Variants in TECTA observed in about 807,000 individuals in gnomAD.
TECTA encodes the protein alpha-tectorin.
Under a neutral mutation model 216.8 loss-of-function variants are expected in TECTA, and 128 were observed. That is an observed-to-expected ratio of 0.59 (90% CI 0.51 to 0.68). TECTA has a LOEUF of 0.68. Among genes scored for constraint, TECTA ranks in the 30% least tolerant of loss-of-function variants. The pLI, the probability that TECTA is intolerant of heterozygous loss-of-function variation, is 0.00. For missense variants in TECTA, 2,551 were observed against 2,786.2 expected, an observed-to-expected ratio of 0.92 and a Z score of 1.90; for synonymous variants, 1,089 against 1,117.1, an observed-to-expected ratio of 0.97 and a Z score of 0.50.
intron 9 of TECTA, among the ~76,000 whole-genome samples, chr11:121,129,226 G>C (rs994921310): frequency 6.6e-6 from 1 of 152,216 alleles, no homozygotes; most frequent in Non-Finnish European, 1.5e-5. Context: ...TATGCTATGT[G>C]CCCTCGAGGA....
intron 10 of TECTA, 116 bp from the exon 11 acceptor site, chr11:121,137,305 C>T: frequency 7.3e-7 from 1 of 1,367,328 alleles, no homozygotes. Flanking sequence ...CATGCATGCA[C>T]ACACGCACAT....
chr11:121,166,830 G>A (rs144780537), intron 18 of TECTA, 50 bp downstream of exon 18: 17 of 1,603,548 alleles, frequency 1.1e-5, no homozygotes, highest in Middle Eastern at 1.7e-4. Flanking sequence ...CGACAGCTTC[G>A]AGTGTTTGCA....
chr11:121,114,826 C>T (rs1445522932), intron 6 of TECTA, among the ~76,000 whole-genome samples: 3 of 41,364 alleles, frequency 7.3e-5, no homozygotes, highest in African/African-American at 5.7e-4. Context: ...CCCATCCATC[C>T]ACCTACCCAC....
intron 20 of TECTA, among the ~76,000 whole-genome samples, chr11:121,175,152 T>C (rs1947152432): frequency 6.6e-6 from 1 of 151,460 alleles, no homozygotes; most frequent in Admixed American, 6.6e-5. Context: ...GCTCCTGGAT[T>C]CATTAATTTT....
Position 121,129,935 on chromosome 11 carries a change from T to A in TECTA, c.2665T>A (p.Cys889Ser). The A allele has an allele frequency of 6.2e-7, 1 of 1,610,274 alleles. No homozygotes were observed. Among genetic ancestry groups the A allele is most frequent in the Non-Finnish European group, 8.5e-7 (1 of 1,177,342 alleles). ...TTTCGAGGAGATCTGCAATGGAGAGTGTGGGGACCTGCTGAAGGCCTGCAA... is the reference window on the plus strand; with the variant it reads ...TTTCGAGGAGATCTGCAATGGAGAGAGTGGGGACCTGCTGAAGGCCTGCAA... Reference protein sequence around the residue: ...TTFEEICNGECGDLLKACNND... With the variant: ...TTFEEICNGESGDLLKACNND... Residue 889 changes from cysteine to serine, a missense_variant, in exon 10 of 24, where the codon TGT becomes AGT. By Grantham distance (112) the Cys-to-Ser change is moderately radical. This residue lies in a region of TECTA where 2,375 missense variants were observed against 2,563.9 expected (regional missense o/e 0.93). Coordinates refer to ENST00000392793, the MANE Select transcript of TECTA (RefSeq NM_005422.4).
At position 121,137,337 on chromosome 11, in the gene TECTA, C is replaced by G. The variant is rs1946739311; in HGVS notation, c.2942-84C>G. The G allele has an allele frequency of 5.2e-6, 8 of 1,550,958 alleles. No homozygotes were observed. The Middle Eastern group carries it at 5.1e-4, about 98-fold the overall frequency. On this transcript the variant is annotated intron_variant, in intron 10 of 23. Transcript: ENST00000392793. ...ACATGCACTCACAAACACACATGCA[C>G]TCATACACACATGCATGCACGCACA...
intron 15 of TECTA, 113 bp downstream of exon 15, chr11:121,160,534 G>A (rs567972358): frequency 6.9e-7 from 1 of 1,443,136 alleles, no homozygotes; most frequent in African/African-American, 1.4e-5. Flanking sequence ...CTCTCCTACA[G>A]AGACGAGCCA....
chr11:121,128,479 C>T (rs1591444609), intron 9 of TECTA, 135 bp downstream of exon 9: 1 of 784,226 alleles, frequency 1.3e-6, no homozygotes, highest in Non-Finnish European at 2.0e-6. Flanking sequence ...CAAACGGGAG[C>T]GTTTTCTAAT....
intron 19 of TECTA, chr11:121,168,460 G>C: frequency 1.2e-6 from 1 of 850,444 alleles, no homozygotes; most frequent in Non-Finnish European, 1.8e-6. Flanking sequence ...ATGTGGCTCA[G>C]GGGGCTGCGG....
Position 121,167,317 on chromosome 11 carries a change from G to T in TECTA, c.5586+537G>T, listed in dbSNP as rs555983722. Among the ~76,000 whole-genome samples, 5 of 152,318 alleles carry T rather than the reference G, an allele frequency of 3.3e-5. No individual in the cohort carries two copies. The South Asian group carries it at 1.0e-3, about 32-fold the overall frequency. On this transcript the variant is annotated intron_variant, in intron 18 of 23. Transcript: ENST00000392793. ...GGGTGTGGTGACAGTGCCTGTAGTTGTGTCTACTTGGAAGGCTGACATGGG... is the reference window on the plus strand; with the variant it reads ...GGGTGTGGTGACAGTGCCTGTAGTTTTGTCTACTTGGAAGGCTGACATGGG...
chr11:121,118,857 A>C, intron 7 of TECTA, 139 bp downstream of exon 7: 1 of 1,171,140 alleles, frequency 8.5e-7, no homozygotes, highest in African/African-American at 1.5e-5. Flanking sequence ...CCCGCCTTGC[A>C]AATAGCTTGT....
At chr11:121,153,391 T>G (rs1404611503) in intron 13 of TECTA, among the ~76,000 whole-genome samples, 1 of 152,246 alleles carries the variant, frequency 6.6e-6, no homozygotes, top group African/African-American at 2.4e-5. Context: ...TCTCTGATTT[T>G]CTGTCCTGTG....
chr11:121,151,638 C>T (rs995668890), intron 12 of TECTA, among the ~76,000 whole-genome samples: 37 of 152,208 alleles, frequency 2.4e-4, no homozygotes, highest in African/African-American at 8.2e-4. Context: ...CACGCTTTTT[C>T]TTGTATGGTT....
rs1947315358 is a variant in TECTA, at chr11:121,189,062, T to G, written c.6163-18T>G. The G allele has an allele frequency of 1.2e-6, 2 of 1,613,600 alleles. No homozygotes were observed. The highest frequency in any genetic ancestry group is 1.1e-5 in the South Asian group (1 of 91,062). ...GCTTAATTGTGTGAAAATTTCCCCCTGGTATTCTGTCTTGCAGACTTGCCC... is the reference window on the plus strand; with the variant it reads ...GCTTAATTGTGTGAAAATTTCCCCCGGGTATTCTGTCTTGCAGACTTGCCC... On this transcript the variant is annotated intron_variant, in intron 21 of 23. Coordinates refer to ENST00000392793, the MANE Select transcript of TECTA (RefSeq NM_005422.4).
At chr11:121,183,070 G>A (rs187768672) in intron 20 of TECTA, among the ~76,000 whole-genome samples, 19 of 152,270 alleles carry the variant, frequency 1.2e-4, no homozygotes, top group Admixed American at 2.6e-4. Flanking sequence ...CCTCCCTGGC[G>A]CACTGCATCA....
intron 12 of TECTA, among the ~76,000 whole-genome samples, chr11:121,149,269 T>G (rs1234283319): frequency 6.6e-6 from 1 of 152,244 alleles, no homozygotes; most frequent in Non-Finnish European, 1.5e-5. Flanking sequence ...GTGCCTAACA[T>G]GTGGTCAAAG....
At position 121,113,475 on chromosome 11, in the gene TECTA, T is replaced by A. The variant is rs556619258; in HGVS notation, c.625-78T>A. On this transcript the variant is annotated intron_variant, in intron 5 of 23. Transcript: ENST00000392793. The surrounding 1 kb of genome is among the most constrained non-coding windows in gnomAD (Gnocchi z 4.2). ...TCTTGATTTTAGAGGTGCTGGATTT[T>A]AAAAATAAGGTAGTTGGGCCAGTTA... 2.0e-5 allele frequency: 32 copies of A among 1,593,426 alleles called. No homozygotes were observed. The Admixed American group carries it at 2.2e-4, about 11-fold the overall frequency.
chr11:121,143,002 G>A (rs116639432), intron 11 of TECTA, among the ~76,000 whole-genome samples: 1,910 of 152,120 alleles, frequency 0.013, 46 homozygotes, highest in African/African-American at 0.042. Flanking sequence ...CCCCTTTCTG[G>A]TCAGACTCCT....
chr11:121,137,254 G>GCACA (rs776461476), intron 10 of TECTA, among the ~76,000 whole-genome samples, 167 bp from the exon 11 acceptor site: 1 of 151,628 alleles, frequency 6.6e-6, no homozygotes, highest in Non-Finnish European at 1.5e-5. Context: ...ACACGCACGT[G>GCACA]CACACACACA....
Sources: gnomAD v4.1 joint callset for allele counts (sites outside exome capture counted in the v4.1 genomes callset) on GRCh38, gnomAD v4.1.1 for gene constraint, gnomAD v4.1.1 regional missense constraint, Gnocchi (gnomAD v3.1) non-coding constraint, MANE v1.5 for transcripts, NCBI Gene and HGNC (gene_info 2026-07-23, HGNC 2026-07-21) for gene names.